Variants in GALNT13 observed in about 807,000 individuals in gnomAD.
The protein encoded by GALNT13 is polypeptide N-acetylgalactosaminyltransferase 13, also known as UDP-GalNAc:polypeptide N-acetylgalactosaminyltransferase 13.
In GALNT13, 28 loss-of-function variants were observed where a neutral mutation model predicts 64.2. The observed-to-expected ratio is 0.44, with a 90% CI of 0.32 to 0.60. GALNT13 has a LOEUF of 0.60. GALNT13 is among the 20% of genes least tolerant of loss of function. The pLI, the probability that GALNT13 is intolerant of heterozygous loss-of-function variation, is 0.05. For synonymous variants in GALNT13, 214 were observed against 224.6 expected (o/e 0.95, Z 0.42); for missense variants, 577 against 669.8 (o/e 0.86, Z 1.53).
Position 153,987,012 on chromosome 2 carries a change from G to A in GALNT13, c.142+42373G>A, listed in dbSNP as rs192810954. On this transcript the variant is annotated intron_variant, in intron 3 of 12. Coordinates refer to ENST00000392825, the MANE Select transcript of GALNT13 (RefSeq NM_052917.4). ...GGAAATAAGAGAAGCGTAAGAGCCA[G>A]TAAACAGGGTATCACAGTAGTCCAA... is the stretch of plus-strand genomic sequence containing the variant. 2.9e-3 allele frequency among the ~76,000 whole-genome samples: 438 copies of A among 152,034 alleles called. 2 individuals are homozygous for A. Among genetic ancestry groups the A allele is most frequent in the African/African-American group, 0.01 (423 of 41,524 alleles).
the GALNT13 span, among the ~76,000 whole-genome samples, chr2:153,501,151 T>C: frequency 2.6e-5 from 4 of 152,032 alleles, no homozygotes; most frequent in Admixed American, 6.6e-5. Context: ...TATTATGAAA[T>C]AGAATTCCAG....
chr2:154,082,279 C>T (rs1701309141), intron 3 of GALNT13, among the ~76,000 whole-genome samples: 1 of 151,604 alleles, frequency 6.6e-6, no homozygotes, highest in Non-Finnish European at 1.5e-5. Context: ...GTGGTGTTGT[C>T]TTCACATTAG....
chr2:153,597,142 G>C, the GALNT13 span, among the ~76,000 whole-genome samples: 1 of 151,892 alleles, frequency 6.6e-6, no homozygotes, highest in Non-Finnish European at 1.5e-5. Context: ...TGCTTTTCCC[G>C]ATAACAGACT....
chr2:154,051,821 A>G (rs1699637463), intron 3 of GALNT13, among the ~76,000 whole-genome samples: 1 of 152,174 alleles, frequency 6.6e-6, no homozygotes, highest in Non-Finnish European at 1.5e-5. Flanking sequence ...TTCTAAGTAA[A>G]CAATGTGATT....
chr2:154,205,342 AACTAGTAGCC>A (rs1297407223), intron 4 of GALNT13, among the ~76,000 whole-genome samples: 1 of 152,140 alleles, frequency 6.6e-6, no homozygotes, highest in African/African-American at 2.4e-5. Flanking sequence ...CTAACTGTGG[AACTAGTAGCC>A]ACTAGTTATT....
the GALNT13 span, among the ~76,000 whole-genome samples, chr2:153,553,457 G>T: frequency 6.6e-6 from 1 of 152,124 alleles, no homozygotes; most frequent in African/African-American, 2.4e-5. Context: ...AGCCATGATT[G>T]CACCACTGCA....
At chr2:153,562,835 T>TC in the GALNT13 span, among the ~76,000 whole-genome samples, 4 of 152,126 alleles carry the variant, frequency 2.6e-5, no homozygotes, top group African/African-American at 9.7e-5. Context: ...ACAAATTTAG[T>TC]TTTTTTGCCT....
chr2:153,943,908 A>G (rs770512640), intron 2 of GALNT13, among the ~76,000 whole-genome samples: 1 of 152,206 alleles, frequency 6.6e-6, no homozygotes, highest in Non-Finnish European at 1.5e-5. Context: ...CATTATACAG[A>G]TGAGAAAACT....
the GALNT13 span, among the ~76,000 whole-genome samples, chr2:153,214,340 T>C: frequency 6.6e-6 from 1 of 152,168 alleles, no homozygotes; most frequent in Non-Finnish European, 1.5e-5. Context: ...ATACAATATA[T>C]AGTCCTTCTG....
At chr2:154,179,517 G>A (rs1356270099) in intron 4 of GALNT13, among the ~76,000 whole-genome samples, 1 of 152,064 alleles carries the variant, frequency 6.6e-6, no homozygotes, top group Admixed American at 6.6e-5. Flanking sequence ...TTAACGTCAG[G>A]AAGTGTGAGG....
chr2:153,562,861 T>A, the GALNT13 span, among the ~76,000 whole-genome samples: 1 of 152,178 alleles, frequency 6.6e-6, no homozygotes, highest in Non-Finnish European at 1.5e-5. Context: ...TAAATAATTC[T>A]TTCTTTAAGT....
chr2:154,255,022 A>G (rs957761192), intron 7 of GALNT13, among the ~76,000 whole-genome samples: 2 of 152,168 alleles, frequency 1.3e-5, no homozygotes, highest in Admixed American at 1.3e-4. Flanking sequence ...TAGATATGAA[A>G]CTAAGAGCTT....
intron 9 of GALNT13, among the ~76,000 whole-genome samples, chr2:154,313,248 A>G (rs1390055913): frequency 2.0e-5 from 3 of 147,680 alleles, no homozygotes; most frequent in Admixed American, 6.8e-5. Context: ...ATGCATATGT[A>G]TATATATATA....
chr2:153,651,093 T>A, the GALNT13 span, among the ~76,000 whole-genome samples: 1 of 152,136 alleles, frequency 6.6e-6, no homozygotes, highest in Non-Finnish European at 1.5e-5. Flanking sequence ...GTCCCTATAA[T>A]TAACAATAGT....
the GALNT13 span, among the ~76,000 whole-genome samples, chr2:153,294,777 G>C: frequency 3.3e-5 from 5 of 152,162 alleles, no homozygotes; most frequent in Non-Finnish European, 7.4e-5. Flanking sequence ...TCAATTTATT[G>C]AAAACATCAT....
chr2:154,185,207 T>G (rs950547444), intron 4 of GALNT13, among the ~76,000 whole-genome samples: 2 of 152,088 alleles, frequency 1.3e-5, no homozygotes, highest in Admixed American at 1.3e-4. Flanking sequence ...GGCTGAAAAA[T>G]TTACAGATAA....
At chr2:153,870,168 G>A (rs1281024573), upstream of GALNT13, among the ~76,000 whole-genome samples, 2 of 151,952 alleles carry the variant, frequency 1.3e-5, no homozygotes, top group Non-Finnish European at 2.9e-5. Context: ...GGGCTAATAA[G>A]TTTTGGAATG....
rs986619350 is a variant in GALNT13, at chr2:154,395,879, A to C, written c.1157-112A>C. 8 of 938,238 alleles carry C rather than the reference A, an allele frequency of 8.5e-6. No individual in the cohort carries two copies. In the East Asian group the frequency reaches 8.7e-5, roughly 10 times the overall value. 58.1% of individuals were successfully genotyped at this position (938,238 alleles called of 1,614,324 possible). ...CAGTGGAGTAGCAGCTGCATATGCAATTGAATTTGCTGGAATTATGAAGAA... is the reference window on the plus strand; with the variant it reads ...CAGTGGAGTAGCAGCTGCATATGCACTTGAATTTGCTGGAATTATGAAGAA... On this transcript the variant is annotated intron_variant, in intron 9 of 12. Coordinates refer to ENST00000392825, the MANE Select transcript of GALNT13 (RefSeq NM_052917.4).
At chr2:153,466,499 G>A in the GALNT13 span, among the ~76,000 whole-genome samples, 1 of 151,460 alleles carries the variant, frequency 6.6e-6, no homozygotes, top group Admixed American at 6.6e-5. Context: ...TAAAAATGCA[G>A]TATTAGGCCC....
Sources: allele counts gnomAD v4.1 joint callset (sites outside exome capture counted in the v4.1 genomes callset), GRCh38; gene constraint gnomAD v4.1.1; transcripts MANE v1.5; gene names NCBI Gene and HGNC (gene_info 2026-07-23, HGNC 2026-07-21).